Variants in RASGRF2 observed in about 807,000 individuals in gnomAD.
RASGRF2 encodes Ras protein specific guanine nucleotide releasing factor 2, also known as ras-specific guanine nucleotide-releasing factor 2.
A neutral mutation model predicts 151.0 loss-of-function variants in RASGRF2; 76 were observed. That is an observed-to-expected ratio of 0.50 (90% CI 0.42 to 0.61). RASGRF2 has a LOEUF of 0.61. RASGRF2 is among the 20% of genes least tolerant of loss of function. The probability of loss-of-function intolerance (pLI) is 0.00; values close to 1 mark genes in which losing one functional copy is unlikely to be tolerated. For synonymous variants in RASGRF2, 504 were observed against 566.5 expected (o/e 0.89, Z 1.57); for missense variants, 1,148 against 1,564.6 (o/e 0.73, Z 4.49).
chr5:81,186,008 A>G (rs1755017732), intron 18 of RASGRF2, among the ~76,000 whole-genome samples: 1 of 152,212 alleles, frequency 6.6e-6, no homozygotes, highest in Admixed American at 6.5e-5. Context: ...ATTACTTATG[A>G]TACAGGGAGT....
intron 12 of RASGRF2, among the ~76,000 whole-genome samples, chr5:81,105,555 T>C (rs911188975): frequency 6.6e-6 from 1 of 152,200 alleles, no homozygotes; most frequent in Admixed American, 6.5e-5. Context: ...TCAGTAACTA[T>C]GCCATTTGCT....
intron 1 of RASGRF2, among the ~76,000 whole-genome samples, chr5:80,978,285 C>T (rs1477057222): frequency 6.6e-6 from 1 of 151,846 alleles, no homozygotes; most frequent in Non-Finnish European, 1.5e-5. Context: ...TATAAAGTAC[C>T]GTGTTAATAG....
chr5:81,196,016 TG>T (rs1755257013), intron 18 of RASGRF2, among the ~76,000 whole-genome samples: 1 of 152,210 alleles, frequency 6.6e-6, no homozygotes, highest in African/African-American at 2.4e-5. Flanking sequence ...TGCAGCACTT[TG>T]GGAGGCCAAG....
At chr5:81,162,504 C>T (rs896381060) in intron 17 of RASGRF2, among the ~76,000 whole-genome samples, 3 of 152,062 alleles carry the variant, frequency 2.0e-5, no homozygotes, top group African/African-American at 4.8e-5. Context: ...CATGCCACCA[C>T]GCCCGGTTAA....
chr5:80,994,331 A>T (rs1053126436), intron 1 of RASGRF2, among the ~76,000 whole-genome samples: 14 of 142,236 alleles, frequency 9.8e-5, no homozygotes, highest in Non-Finnish European at 1.2e-4. Context: ...GCACCACTGC[A>T]CTCCAGCCTG....
chr5:81,195,615 T>C (rs763681991), intron 18 of RASGRF2, among the ~76,000 whole-genome samples: 15 of 150,828 alleles, frequency 9.9e-5, no homozygotes, highest in Non-Finnish European at 1.8e-4. Flanking sequence ...TAATGTAAGG[T>C]CTTGCTACTC....
intron 12 of RASGRF2, among the ~76,000 whole-genome samples, chr5:81,099,382 G>A (rs779173828): frequency 2.4e-4 from 36 of 152,124 alleles, no homozygotes; most frequent in African/African-American, 3.6e-4. Flanking sequence ...ATAATTGAGC[G>A]TTGAGTGTAT....
In RASGRF2 at chr5:80,974,937, A is replaced by G. The variant is rs148440220; in HGVS notation, c.288+13911A>G. Among the ~76,000 whole-genome samples, 391 of 152,030 alleles carry G rather than the reference A, an allele frequency of 2.6e-3. 2 individuals carry two copies. The highest frequency in any genetic ancestry group is 9.1e-3 in the African/African-American group (376 of 41,464). On this transcript the variant is annotated intron_variant, in intron 1 of 26. Transcript: ENST00000265080. The stretch of plus-strand genomic sequence containing the variant: ...GTGTGGGGGCACATTCTATTAATCC[A>G]TTTTGGGATTGAGCTGGTCAGCTAG...
chr5:81,112,945 G>T, intron 14 of RASGRF2, 87 bp downstream of exon 14: 3 of 1,533,728 alleles, frequency 2.0e-6, no homozygotes, highest in East Asian at 2.3e-5. Flanking sequence ...GGCCAGCTCT[G>T]CAAAGCAGCT....
chr5:81,118,731 A>G (rs893100196), intron 15 of RASGRF2, among the ~76,000 whole-genome samples: 1 of 151,986 alleles, frequency 6.6e-6, no homozygotes, highest in Non-Finnish European at 1.5e-5. Flanking sequence ...CCTTTAAACC[A>G]TTTCTTTCCT....
chr5:80,986,895 A>C (rs1277132153), intron 1 of RASGRF2, among the ~76,000 whole-genome samples: 2 of 152,262 alleles, frequency 1.3e-5, no homozygotes, highest in East Asian at 3.9e-4. Context: ...ACTGCTAGAT[A>C]ATCCACCCTC....
intron 17 of RASGRF2, among the ~76,000 whole-genome samples, chr5:81,154,130 C>T (rs1053676707): frequency 2.0e-4 from 30 of 152,092 alleles, no homozygotes; most frequent in African/African-American, 6.3e-4. Context: ...TTTAATACCC[C>T]ACTCTAAATA....
chr5:81,024,192 CT>C (rs1315930222), intron 1 of RASGRF2, among the ~76,000 whole-genome samples: 1 of 148,674 alleles, frequency 6.7e-6, no homozygotes, highest in Non-Finnish European at 1.5e-5. Context: ...CTAATTTTTC[CT>C]TTTTGGTAAA....
chr5:81,103,692 A>T (rs991430301), intron 12 of RASGRF2, among the ~76,000 whole-genome samples: 27 of 152,040 alleles, frequency 1.8e-4, no homozygotes, highest in Non-Finnish European at 3.1e-4. Context: ...ACAAAAAGAA[A>T]AATCTCAAAA....
At chr5:81,094,797 G>A in intron 11 of RASGRF2, 59 bp from the exon 12 acceptor site, 3 of 1,497,092 alleles carry the variant, frequency 2.0e-6, no homozygotes, top group Non-Finnish European at 2.8e-6. Context: ...TGTGAAGGCA[G>A]CTATCACTCT....
chr5:81,061,584 T>G (rs1340296430), intron 2 of RASGRF2, among the ~76,000 whole-genome samples: 1 of 151,620 alleles, frequency 6.6e-6, no homozygotes, highest in African/African-American at 2.4e-5. Context: ...CATAGCTCAC[T>G]GCAGCTTCAA....
chr5:81,029,179 G>A (rs1750146470), intron 1 of RASGRF2, among the ~76,000 whole-genome samples: 2 of 152,354 alleles, frequency 1.3e-5, no homozygotes, highest in East Asian at 3.9e-4. Flanking sequence ...GCCCACCGCA[G>A]CCCAAGGAGG....
At chr5:81,141,661 T>C (rs891835900) in intron 17 of RASGRF2, among the ~76,000 whole-genome samples, 1 of 152,230 alleles carries the variant, frequency 6.6e-6, no homozygotes, top group Non-Finnish European at 1.5e-5. Context: ...CTGCAGCACG[T>C]CCATTTCTTT....
intron 1 of RASGRF2, among the ~76,000 whole-genome samples, chr5:81,031,861 G>C (rs1340172177): frequency 1.3e-5 from 2 of 152,178 alleles, no homozygotes; most frequent in African/African-American, 2.4e-5. Flanking sequence ...GAATCCAGGA[G>C]CTGGTTTTTT....
Sources: allele counts gnomAD v4.1 joint callset (sites outside exome capture counted in the v4.1 genomes callset), GRCh38; gene constraint gnomAD v4.1.1; transcripts MANE v1.5; gene names NCBI Gene and HGNC (gene_info 2026-07-23, HGNC 2026-07-21).